RAB27B: variants seen among roughly 807,000 people sequenced by gnomAD.
RAB27B encodes RAB27B, member RAS oncogene family, also known as ras-related protein Rab-27B.
A neutral mutation model predicts 24.6 loss-of-function variants in RAB27B; 15 were observed. The observed-to-expected ratio is 0.61, with a 90% confidence interval of 0.41 to 0.94. RAB27B has a LOEUF of 0.94. RAB27B is among the 40% of genes least tolerant of loss of function. RAB27B has a pLI of 0.00. For missense variants in RAB27B, 261 were observed against 266.8 expected, an observed-to-expected ratio of 0.98 and a Z score of 0.15; for synonymous variants, 105 against 92.5, an observed-to-expected ratio of 1.14 and a Z score of -0.78.
intron 2 of RAB27B, among the ~76,000 whole-genome samples, chr18:54,816,460 T>C (rs1186613769): frequency 6.6e-6 from 1 of 152,242 alleles, no homozygotes; most frequent in Non-Finnish European, 1.5e-5. Flanking sequence ...ATTGACATAT[T>C]TGGAGCTATA....
At chr18:54,848,800 A>G (rs1911440801) in intron 1 of RAB27B, among the ~76,000 whole-genome samples, 1 of 152,062 alleles carries the variant, frequency 6.6e-6, no homozygotes, top group Non-Finnish European at 1.5e-5. Context: ...GTCTGTTCCC[A>G]GGGAGCTAAA....
chr18:54,754,484 T>G (rs931863667), intron 2 of RAB27B, among the ~76,000 whole-genome samples: 1 of 152,202 alleles, frequency 6.6e-6, no homozygotes, highest in African/African-American at 2.4e-5. Flanking sequence ...AGAAAGGAAT[T>G]CAAGGCAAAT....
intron 1 of RAB27B, among the ~76,000 whole-genome samples, chr18:54,837,556 G>C (rs1166631826): frequency 2.0e-5 from 3 of 152,058 alleles, no homozygotes; most frequent in African/African-American, 7.2e-5. Context: ...GAGAGGTCAG[G>C]CTGGTGATAA....
chr18:54,781,172 T>A (rs534029531), intron 2 of RAB27B, among the ~76,000 whole-genome samples: 2 of 152,090 alleles, frequency 1.3e-5, no homozygotes, highest in Non-Finnish European at 2.9e-5. Context: ...GCAGAAATAC[T>A]CAGCCACTCC....
At chr18:54,821,680 C>T (rs1910315503) in intron 2 of RAB27B, among the ~76,000 whole-genome samples, 2 of 152,222 alleles carry the variant, frequency 1.3e-5, no homozygotes, top group Admixed American at 6.5e-5. Context: ...CATTATTTCC[C>T]AAAAGTATAG....
At position 54,792,794 on chromosome 18, in the gene RAB27B, A is replaced by G. The variant is rs903075664; in HGVS notation, c.-20+74653A>G. ...ATGTGTTTTACAAATTTCTAACAAA[A>G]AGGTATTCTAAAGTTCCGGTAGTAC... On this transcript the variant is annotated intron_variant, in intron 2 of 4. Transcript: ENST00000586570. Among the ~76,000 whole-genome samples, 7 of 152,344 alleles carry G rather than the reference A, an allele frequency of 4.6e-5. 1 individual carries two copies. In the East Asian group the frequency reaches 1.3e-3, roughly 29 times the overall value.
rs890833579 is a variant in RAB27B, at chr18:54,893,050, C to T, written c.*3637C>T. On this transcript the variant is annotated 3_prime_UTR_variant, in exon 6 of 6. Transcript: ENST00000262094. ...TGATGAAGCCTGTCTGTCTCTTCACCAGTGGAGTGAGTGCAGCAGTTAGAA... is the reference window on the plus strand; with the variant it reads ...TGATGAAGCCTGTCTGTCTCTTCACTAGTGGAGTGAGTGCAGCAGTTAGAA... The T allele has an allele frequency of 6.6e-6, 1 of 152,030 alleles. No individual in the cohort carries two copies. The highest frequency in any genetic ancestry group is 1.5e-5 in the Non-Finnish European group (1 of 67,936). 9.4% of individuals were successfully genotyped at this position (152,030 alleles called of 1,614,324 possible).
At chr18:54,810,833 AAAATAAAT>A (rs74180479) in intron 2 of RAB27B, among the ~76,000 whole-genome samples, 23,964 of 140,050 alleles carry the variant, frequency 0.17, 2,209 homozygotes, top group African/African-American at 0.2. Flanking sequence ...ACCCTGTCTC[AAAATAAAT>A]AAATAAATAA....
intron 2 of RAB27B, among the ~76,000 whole-genome samples, chr18:54,878,196 A>T: frequency 6.6e-6 from 1 of 152,230 alleles, no homozygotes; most frequent in East Asian, 1.9e-4. Context: ...ATTTATGTGT[A>T]GACTCAGCCA....
chr18:54,799,295 T>C (rs1251454714), intron 2 of RAB27B, among the ~76,000 whole-genome samples: 3 of 152,170 alleles, frequency 2.0e-5, no homozygotes, highest in African/African-American at 7.2e-5. Context: ...CCTAACTTAA[T>C]GGCACTTTGC....
chr18:54,742,277 G>A (rs1568048882), intron 2 of RAB27B, among the ~76,000 whole-genome samples: 2 of 152,186 alleles, frequency 1.3e-5, no homozygotes, highest in Admixed American at 6.5e-5. Context: ...AGTCGTAATG[G>A]TGGGTGGAAT....
At chr18:54,755,771 T>A (rs1907986089) in intron 2 of RAB27B, among the ~76,000 whole-genome samples, 1 of 152,236 alleles carries the variant, frequency 6.6e-6, no homozygotes, top group South Asian at 2.1e-4. Context: ...CAAATGCCCC[T>A]GTTTTAGCAC....
intron 2 of RAB27B, among the ~76,000 whole-genome samples, chr18:54,719,279 T>C (rs1270795121): frequency 6.6e-6 from 1 of 152,130 alleles, no homozygotes; most frequent in Non-Finnish European, 1.5e-5. Context: ...AGTGTTTAGG[T>C]ATCAAAGTTT....
rs73489420 is a variant in RAB27B at position 54,887,463 on chromosome 18, G to A, written c.344-532G>A. ...AAGAAATCCCCTTATTTATTATTAT[G>A]TATGTGTATTATGTATTATTAGAAG... On this transcript the variant is annotated intron_variant, in intron 4 of 5. Transcript: ENST00000262094. Among the ~76,000 whole-genome samples the A allele has an allele frequency of 2.7e-3, 412 of 152,134 alleles. 5 individuals carry two copies. Among genetic ancestry groups the A allele is most frequent in the African/African-American group, 9.5e-3 (396 of 41,512 alleles).
intron 1 of RAB27B, among the ~76,000 whole-genome samples, chr18:54,848,112 C>T (rs1414480543): frequency 6.6e-6 from 1 of 152,198 alleles, no homozygotes; most frequent in African/African-American, 2.4e-5. Context: ...TTTGATTGGC[C>T]AAACTCAGTG....
At chr18:54,845,428 A>C (rs1911296299) in intron 1 of RAB27B, among the ~76,000 whole-genome samples, 1 of 151,854 alleles carries the variant, frequency 6.6e-6, no homozygotes, top group African/African-American at 2.4e-5. Context: ...AATAAAATAA[A>C]ATCTATTTAG....
At chr18:54,830,548 C>CA (rs1910634497) in intron 1 of RAB27B, among the ~76,000 whole-genome samples, 1 of 152,150 alleles carries the variant, frequency 6.6e-6, no homozygotes, top group South Asian at 2.1e-4. Context: ...ACAGACAGGA[C>CA]AAATCAGGTG....
rs1913441037 is a variant in RAB27B, at chr18:54,893,265, T to G, written c.*3852T>G. 6.6e-6 allele frequency: 1 copy of G among 152,024 alleles called. No individual in the cohort carries two copies. Among genetic ancestry groups the G allele is most frequent in the South Asian group, 2.1e-4 (1 of 4,834 alleles). The allele number at this position is 152,024 out of a possible 1,614,324, so 9.4% of individuals were successfully genotyped here. A position where few individuals can be genotyped will look rare whatever the true frequency, so the allele number is the denominator to read the frequency against. On this transcript the variant is annotated 3_prime_UTR_variant, in exon 6 of 6. Coordinates refer to ENST00000262094, the MANE Select transcript of RAB27B (RefSeq NM_004163.4). Reference sequence around the variant, plus strand: ...TCATTCGTAAAGGATTTTGGATGTATAATCTAAAACTCAACAATAAAGAAA... The same window carrying G: ...TCATTCGTAAAGGATTTTGGATGTAGAATCTAAAACTCAACAATAAAGAAA...
At position 54,782,338 on chromosome 18, in the gene RAB27B, G is replaced by T. The variant is rs575113616; in HGVS notation, c.-20+64197G>T. ...CTGAATGTATTTTAGCACAGACTTG[G>T]AAAATTTAATCGTAAAGCCAAATAG... is the stretch of plus-strand genomic sequence containing the variant. On this transcript the variant is annotated intron_variant, in intron 2 of 4. Transcript: ENST00000586570. 5.9e-5 allele frequency among the ~76,000 whole-genome samples: 9 copies of T among 152,280 alleles called. No homozygotes were observed. The South Asian group carries it at 1.9e-3, about 32-fold the overall frequency.
Sources: allele counts gnomAD v4.1 joint callset (sites outside exome capture counted in the v4.1 genomes callset), GRCh38; gene constraint gnomAD v4.1.1; transcripts MANE v1.5; gene names NCBI Gene and HGNC (gene_info 2026-07-23, HGNC 2026-07-21).